Variants in GCC2 observed in about 807,000 individuals in gnomAD.
GCC2 encodes GRIP and coiled-coil domain containing 2, also known as GRIP and coiled-coil domain-containing protein 2.
Under a neutral mutation model 210.6 loss-of-function variants are expected in GCC2, and 120 were observed. The ratio of observed to expected loss-of-function variants is 0.57; its 90% confidence interval spans 0.49 to 0.66. GCC2 has a LOEUF of 0.66. Ranked by LOEUF, GCC2 falls within the 30% of genes least tolerant of loss-of-function variation. GCC2 has a pLI of 0.00. For synonymous variants in GCC2, 703 were observed against 652.7 expected (o/e 1.08, Z -1.17); for missense variants, 1,868 against 1,871.9 (o/e 1.00, Z 0.04).
At chr2:108,449,771 G>C in intron 2 of GCC2, 82 bp downstream of exon 2, 139 of 1,015,662 alleles carry the variant, frequency 1.4e-4, no homozygotes, top group Non-Finnish European at 1.9e-4. Context: ...GGAAGGGGGG[G>C]GCGCTGATTT....
intron 4 of GCC2, among the ~76,000 whole-genome samples, chr2:108,467,016 T>C (rs953789373): frequency 6.6e-6 from 1 of 152,234 alleles, no homozygotes; most frequent in South Asian, 2.1e-4. Flanking sequence ...ATTGTCTTTA[T>C]TATTTTTCTA....
At chr2:108,491,892 A>C (rs1441639031) in intron 18 of GCC2, among the ~76,000 whole-genome samples, 2 of 152,096 alleles carry the variant, frequency 1.3e-5, no homozygotes, top group Admixed American at 1.3e-4. Flanking sequence ...GGCTGAGTAC[A>C]TAAAAATCAC....
At chr2:108,472,412 G>A (rs1898557) in intron 6 of GCC2, among the ~76,000 whole-genome samples, 94,744 of 151,884 alleles carry the variant, frequency 0.62, 30,126 homozygotes, top group East Asian at 0.96. Flanking sequence ...ACTAAACATG[G>A]AAAAACTTGA....
chr2:108,480,035 C>T (rs527709198), intron 9 of GCC2, among the ~76,000 whole-genome samples: 3 of 150,104 alleles, frequency 2.0e-5, no homozygotes, highest in African/African-American at 7.4e-5. Flanking sequence ...GAGAAGCCTG[C>T]GGAGGTGAGC....
chr2:108,453,316 T>C lies in GCC2; in HGVS notation c.216+850T>C, dbSNP rs769729822. ...TGTGTCAGTCACCAGAGACCTATTATAGCTTTAAGATATTGTTCCAGTTTA... is the reference window on the plus strand; with the variant it reads ...TGTGTCAGTCACCAGAGACCTATTACAGCTTTAAGATATTGTTCCAGTTTA... On this transcript the variant is annotated intron_variant, in intron 4 of 22. Coordinates refer to ENST00000309863, the MANE Select transcript of GCC2 (RefSeq NM_181453.4). 9.5e-4 allele frequency among the ~76,000 whole-genome samples: 145 copies of C among 152,356 alleles called. 4 individuals carry two copies. In the Middle Eastern group the frequency reaches 0.01, roughly 11 times the overall value.
intron 18 of GCC2, among the ~76,000 whole-genome samples, chr2:108,491,255 G>GT (rs1307112497): frequency 6.6e-6 from 1 of 152,126 alleles, no homozygotes. Context: ...CAGATGGGGG[G>GT]TTTAAGCGTT....
intron 6 of GCC2, among the ~76,000 whole-genome samples, chr2:108,472,364 AT>A (rs1017818358): frequency 7.9e-5 from 12 of 152,216 alleles, no homozygotes; most frequent in Admixed American, 6.5e-4. Flanking sequence ...AGGGGTTTAA[AT>A]GTCTTGATCA....
At position 108,469,980 on chromosome 2, in the gene GCC2, T is replaced by G. The variant is rs763300179; in HGVS notation, c.651T>G (p.Thr217=). ...CTGATGAAAAGAAGGAAACAGTTAC[T>G]CAACTCCAAAATATCATTGAGGCTA... The part of the protein sequence containing the change: ...ATTDEKKETV[T]QLQNIIEANS... The change falls in exon 6 of 23, where the codon ACT becomes ACG. Residue 217 remains threonine (T), a synonymous_variant. Transcript: ENST00000309863. 3.1e-6 allele frequency: 5 copies of G among 1,612,906 alleles called. No homozygotes were observed. The highest frequency in any genetic ancestry group is 4.2e-6 in the Non-Finnish European group (5 of 1,179,288).
At position 108,471,907 on chromosome 2, in the gene GCC2, G is replaced by A. The variant is rs1014683399; in HGVS notation, c.2578G>A (p.Asp860Asn). 2 of 1,601,772 alleles carry A rather than the reference G, an allele frequency of 1.2e-6. No homozygotes were observed. Among genetic ancestry groups the A allele is most frequent in the Non-Finnish European group, 1.7e-6 (2 of 1,176,084 alleles). ...GTCAGAAAAAGAGGCCCTGCAGTCT[G>A]ATCTTCTAGAAATGAAGAATGCTAA... Reference protein sequence around the residue: ...IQSEKEALQSDLLEMKNANEK... With the variant: ...IQSEKEALQSNLLEMKNANEK... The change falls in exon 6 of 23, where the codon GAT (aspartate) becomes AAT (asparagine). Residue 860 changes from aspartate to asparagine, a missense_variant. Around this residue, in one of 3 missense-constraint regions of GCC2, gnomAD observed 1,847 missense variants for 1,765.2 expected, o/e 1.05. Coordinates refer to ENST00000309863, the MANE Select transcript of GCC2 (RefSeq NM_181453.4).
intron 4 of GCC2, among the ~76,000 whole-genome samples, chr2:108,468,322 T>C (rs1264834501): frequency 1.3e-5 from 2 of 152,168 alleles, no homozygotes; most frequent in Non-Finnish European, 2.9e-5. Flanking sequence ...CACCTCTGCC[T>C]CCCAAAGTGC....
Position 108,471,715 on chromosome 2 carries a change from G to A in GCC2, c.2386G>A (p.Glu796Lys). The change falls in exon 6 of 23, where the codon GAA (glutamate) becomes AAA (lysine). Residue 796 changes from glutamate (E) to lysine (K), a missense_variant. Physicochemically the swap from Glu to Lys is moderately conservative, Grantham distance 56. Transcript: ENST00000309863. The stretch of plus-strand genomic sequence containing the variant: ...TGAATCCTTGGCAAAAATAAATGAG[G>A]AAAAATGCAACCTGGCTTTTCAGCG... Reference protein sequence around the residue: ...VGESLAKINEEKCNLAFQRDE... With the variant: ...VGESLAKINEKKCNLAFQRDE... The A allele has an allele frequency of 6.2e-7, 1 of 1,613,104 alleles. No homozygotes were observed.
At chr2:108,492,975 A>G (rs914189761) in intron 19 of GCC2, among the ~76,000 whole-genome samples, 185 bp downstream of exon 19, 21 of 152,192 alleles carry the variant, frequency 1.4e-4, no homozygotes, top group African/African-American at 5.1e-4. Flanking sequence ...TTCCCTCTTC[A>G]TTATACTTAC....
chr2:108,505,088 A>G (rs1014156687), intron 22 of GCC2, among the ~76,000 whole-genome samples: 2 of 152,354 alleles, frequency 1.3e-5, no homozygotes, highest in African/African-American at 4.8e-5. Flanking sequence ...TATTTACCTA[A>G]GGAGATGAAT....
At position 108,492,673 on chromosome 2, in the gene GCC2, C is replaced by T. The variant is rs752679442; in HGVS notation, c.4330C>T (p.Arg1444Ter). The T allele has an allele frequency of 6.2e-7, 1 of 1,613,798 alleles. No homozygotes were observed. Among genetic ancestry groups the T allele is most frequent in the Non-Finnish European group, 8.5e-7 (1 of 1,179,740 alleles). The change falls in exon 19 of 23, where the codon CGA becomes TGA. Residue 1444 changes from arginine (R) to a stop codon, truncating the protein, a stop_gained. Transcript: ENST00000309863. LOFTEE classifies it high-confidence loss of function. ...GAACGAGGTCCTTCGAAATAGCTTC[C>T]GAGATCAAGTGCGACATTTGCAGGA... The part of the protein sequence containing the change: ...SQNEVLRNSF[R>*]DQVRHLQEEH...
chr2:108,492,206 A>T (rs1682436795), intron 18 of GCC2, among the ~76,000 whole-genome samples: 1 of 151,620 alleles, frequency 6.6e-6, no homozygotes, highest in Admixed American at 6.6e-5. Flanking sequence ...CATTCATGTG[A>T]GTTACCACAT....
intron 7 of GCC2, chr2:108,473,307 T>A (rs1168596000): frequency 8.4e-6 from 1 of 118,798 alleles, no homozygotes; most frequent in African/African-American, 3.1e-5. Context: ...AACACTGTTT[T>A]GAGTTAAAAA....
chr2:108,495,301 C>T lies in GCC2; in HGVS notation c.4458C>T (p.Ser1486=). The change falls in exon 20 of 23, where the codon TCC becomes TCT. Residue 1486 remains serine, a synonymous_variant. Transcript: ENST00000309863. The stretch of plus-strand genomic sequence containing the variant: ...AAAAAAATCTAATAGGCCCAGTTTC[C>T]TCTCAACAATCTTTGAAGAACCTTC... The part of the protein sequence containing the change: ...KNEPTTRSPV[S]SQQSLKNLRE... 6.3e-7 allele frequency: 1 copy of T among 1,576,608 alleles called. No homozygotes were observed. The highest frequency in any genetic ancestry group is 1.1e-5 in the South Asian group (1 of 88,568).
At chr2:108,489,809 A>C (rs2104493034) in intron 17 of GCC2, 29 bp from the exon 18 acceptor site, 1 of 1,529,598 alleles carries the variant, frequency 6.5e-7, no homozygotes, top group South Asian at 1.2e-5. Flanking sequence ...TTTTTCAAAA[A>C]ATTTTAAAAC....
At position 108,497,109 on chromosome 2, in the gene GCC2, G is replaced by A; in HGVS notation, c.4782G>A (p.Lys1594=). 6.2e-7 allele frequency: 1 copy of A among 1,611,950 alleles called. No individual in the cohort carries two copies. The highest frequency in any genetic ancestry group is 8.5e-7 in the Non-Finnish European group (1 of 1,179,840). ...ATNAILMEQI[K]LLKSEIRRLE... ...ATGCAATTCTTATGGAGCAAATTAA[G>A]GTGAGATCAGAAAACCTGGCCGCCG... Residue 1594 remains lysine, a splice_region_variant and synonymous_variant, in exon 21 of 23, where the codon AAG becomes AAA. Transcript: ENST00000309863.
Sources: gnomAD v4.1 joint callset for allele counts (sites outside exome capture counted in the v4.1 genomes callset) on GRCh38, gnomAD v4.1.1 for gene constraint, gnomAD v4.1.1 regional missense constraint, MANE v1.5 for transcripts, NCBI Gene and HGNC (gene_info 2026-07-23, HGNC 2026-07-21) for gene names.